CLPB: variants seen among roughly 807,000 people sequenced by gnomAD.
CLPB encodes mitochondrial disaggregase.
Under a neutral mutation model 78.4 loss-of-function variants are expected in CLPB, and 40 were observed. The observed-to-expected ratio is 0.51, with a 90% confidence interval of 0.40 to 0.66. CLPB has a LOEUF of 0.66. CLPB is among the 30% of genes least tolerant of loss of function. The pLI is 0.00. For synonymous variants in CLPB, 333 were observed against 348.0 expected, an observed-to-expected ratio of 0.96 and a Z score of 0.48; for missense variants, 780 against 886.9, an observed-to-expected ratio of 0.88 and a Z score of 1.53.
intron 3 of CLPB, among the ~76,000 whole-genome samples, chr11:72,391,378 T>G (rs1855250352): frequency 6.6e-6 from 1 of 152,202 alleles, no homozygotes; most frequent in African/African-American, 2.4e-5. Flanking sequence ...CACCCAGTAC[T>G]CACTCCCATG....
rs899273458 is a variant in CLPB at position 72,292,406 on chromosome 11, C to G, written c.*961G>C. 1 of 152,184 alleles carries G rather than the reference C, an allele frequency of 6.6e-6. No individual in the cohort carries two copies. Among genetic ancestry groups the G allele is most frequent in the East Asian group, 1.9e-4 (1 of 5,194 alleles). 9.4% of individuals were successfully genotyped at this position (152,184 alleles called of 1,614,324 possible). A position where few individuals can be genotyped will look rare whatever the true frequency, so the allele number is the denominator to read the frequency against. ...TGGTCTGTGAAATGCCCTTGGGGGA[C>G]GGTGTCCAGACCCTCTGCTTTGTGA... On this transcript the variant is annotated 3_prime_UTR_variant, in exon 16 of 16. Transcript: ENST00000538039.
chr11:72,328,486 G>T (rs74619465), intron 6 of CLPB, among the ~76,000 whole-genome samples: 3,299 of 152,294 alleles, frequency 0.022, 111 homozygotes, highest in African/African-American at 0.076. Context: ...ATGAGGGGAT[G>T]TGGTAGCCCA....
At position 72,430,369 on chromosome 11, in the gene CLPB, G is replaced by C; in HGVS notation, c.404-6C>G. 2 of 1,612,800 alleles carry C rather than the reference G, an allele frequency of 1.2e-6. No homozygotes were observed. The highest frequency in any genetic ancestry group is 1.7e-6 in the Non-Finnish European group (2 of 1,179,716). On this transcript the variant is annotated splice_region_variant and splice_polypyrimidine_tract_variant and intron_variant, in intron 1 of 15. Coordinates refer to ENST00000538039, the MANE Select transcript of CLPB (RefSeq NM_001258392.3). ...AGCTTCCAACAGGGCTGCATCTGAA[G>C]AGAAAGGGGGCACTGGTCAGATCCG... is the stretch of plus-strand genomic sequence containing the variant.
rs185461628 is a variant in CLPB at position 72,317,160 on chromosome 11, G to A, written c.934C>T (p.Arg312Ter). The A allele has an allele frequency of 9.3e-6, 15 of 1,612,174 alleles. No homozygotes were observed. In the Admixed American group the frequency reaches 1.3e-4, roughly 14 times the overall value. ...EERRRFPLEQ[R>*]LKEHIIGQES... is the part of the protein sequence containing the mutation. Reference sequence around the variant, plus strand: ...TGGCCAATGATGTGCTCCTTTAGTCGCTGCTCCAGGGGGAAGCGGCGCCGC... The same window carrying A: ...TGGCCAATGATGTGCTCCTTTAGTCACTGCTCCAGGGGGAAGCGGCGCCGC... Residue 312 changes from arginine (R) to a stop codon, truncating the protein, a stop_gained, in exon 7 of 16, where the codon CGA becomes TGA. Coordinates refer to ENST00000538039, the MANE Select transcript of CLPB (RefSeq NM_001258392.3). LOFTEE classifies it high-confidence loss of function.
chr11:72,340,607 T>C (rs1295645583), intron 5 of CLPB, among the ~76,000 whole-genome samples: 1 of 152,196 alleles, frequency 6.6e-6, no homozygotes, highest in Non-Finnish European at 1.5e-5. Context: ...CATTCATTCA[T>C]TCAACCAAGC....
intron 3 of CLPB, among the ~76,000 whole-genome samples, chr11:72,390,480 A>G (rs1855221404): frequency 6.6e-6 from 1 of 151,872 alleles, no homozygotes. Flanking sequence ...AAGAAAAAAG[A>G]AAAAGAAGGC....
chr11:72,419,239 TTTGA>T (rs950284794), intron 2 of CLPB, among the ~76,000 whole-genome samples: 17 of 152,164 alleles, frequency 1.1e-4, no homozygotes, highest in African/African-American at 4.1e-4. Context: ...GCGTTATGAT[TTTGA>T]TTAAGCTGGG....
chr11:72,343,343 G>GT (rs1950455432), intron 5 of CLPB, among the ~76,000 whole-genome samples: 1 of 152,178 alleles, frequency 6.6e-6, no homozygotes, highest in African/African-American at 2.4e-5. Flanking sequence ...AATCGGAAAT[G>GT]TGGGGGTGGG....
chr11:72,432,118 C>T (rs1396423055), intron 1 of CLPB, among the ~76,000 whole-genome samples: 1 of 152,178 alleles, frequency 6.6e-6, no homozygotes, highest in Non-Finnish European at 1.5e-5. Flanking sequence ...CATCTGCTCT[C>T]ATCTAATTCC....
Position 72,434,246 on chromosome 11 carries a change from G to A in CLPB, c.229C>T (p.Arg77Cys). 1 of 1,613,326 alleles carries A rather than the reference G, an allele frequency of 6.2e-7. No individual in the cohort carries two copies. Among genetic ancestry groups the A allele is most frequent in the South Asian group, 1.1e-5 (1 of 91,038 alleles). ...GCCGCGAGGCATTTGGTATCGAAGC[G>A]TCCTCCCTGGCGCCCCCCGGTGGCT... Reference protein sequence around the residue: ...GAATGGRQGGRFDTKCLAAAT... With the variant: ...GAATGGRQGGCFDTKCLAAAT... The change falls in exon 1 of 16, where the codon CGC becomes TGC. Residue 77 changes from arginine to cysteine, a missense_variant. By Grantham distance (180) the Arg-to-Cys change is radical. Coordinates refer to ENST00000538039, the MANE Select transcript of CLPB (RefSeq NM_001258392.3).
At chr11:72,321,496 T>C (rs980764227) in intron 6 of CLPB, among the ~76,000 whole-genome samples, 1 of 152,182 alleles carries the variant, frequency 6.6e-6, no homozygotes, top group Non-Finnish European at 1.5e-5. Context: ...GTGAGTGCAT[T>C]TACAGGAAAG....
At chr11:72,432,217 GC>G (rs143208539) in intron 1 of CLPB, among the ~76,000 whole-genome samples, 2,297 of 152,226 alleles carry the variant, frequency 0.015, 50 homozygotes, top group African/African-American at 0.053. Context: ...ATTCCCTGAA[GC>G]CTTTGCATGG....
chr11:72,384,586 A>G (rs752654297), intron 3 of CLPB, among the ~76,000 whole-genome samples: 43 of 152,232 alleles, frequency 2.8e-4, no homozygotes, highest in African/African-American at 8.9e-4. Flanking sequence ...TCACCAATCA[A>G]TAATTGCCTT....
chr11:72,407,703 G>A (rs1357042096), intron 2 of CLPB, among the ~76,000 whole-genome samples: 1 of 151,324 alleles, frequency 6.6e-6, no homozygotes, highest in Admixed American at 6.6e-5. Flanking sequence ...CTGGAGTGCA[G>A]TGGCACGATC....
At position 72,288,334 on chromosome 11, in the gene CLPB, A is replaced by G. The variant is rs1038879180; in HGVS notation, c.*5033T>C. ...GAAACCCCGTCTTTACTAAAAATAC[A>G]AAAAAAATTAGCTGGGTATGGTGGC... On this transcript the variant is annotated 3_prime_UTR_variant, in exon 16 of 16. Transcript: ENST00000538039. 3 of 152,018 alleles carry G rather than the reference A, an allele frequency of 2.0e-5. No individual in the cohort carries two copies. Among genetic ancestry groups the G allele is most frequent in the Admixed American group, 2.0e-4 (3 of 15,258 alleles). 9.4% of individuals were successfully genotyped at this position (152,018 alleles called of 1,614,324 possible).
At chr11:72,336,663 G>A (rs1321219937) in intron 5 of CLPB, 1 of 161,108 alleles carries the variant, frequency 6.2e-6, no homozygotes, top group African/African-American at 2.4e-5. Context: ...CATCCTCATT[G>A]TCACTATTTC....
chr11:72,365,035 T>C (rs936081778), intron 4 of CLPB, among the ~76,000 whole-genome samples: 2 of 152,104 alleles, frequency 1.3e-5, no homozygotes, highest in African/African-American at 4.8e-5. Flanking sequence ...AAAACCACAA[T>C]GAGGCTGGGG....
At chr11:72,339,443 G>T (rs1041995378) in intron 5 of CLPB, among the ~76,000 whole-genome samples, 1 of 152,192 alleles carries the variant, frequency 6.6e-6, no homozygotes, top group Non-Finnish European at 1.5e-5. Flanking sequence ...CTGAGAAGCA[G>T]ATTTTGGCTA....
At chr11:72,364,964 A>G (rs1305239697) in intron 4 of CLPB, among the ~76,000 whole-genome samples, 1 of 152,186 alleles carries the variant, frequency 6.6e-6, no homozygotes, top group Non-Finnish European at 1.5e-5. Context: ...AAGACATACA[A>G]ATGGCCAAAG....
Sources: gnomAD v4.1 joint callset for allele counts (sites outside exome capture counted in the v4.1 genomes callset) on GRCh38, gnomAD v4.1.1 for gene constraint, MANE v1.5 for transcripts, NCBI Gene and HGNC (gene_info 2026-07-23, HGNC 2026-07-21) for gene names.